Variants in TMEM132B observed in about 807,000 individuals in gnomAD.
The protein encoded by TMEM132B is transmembrane protein 132B.
In TMEM132B, 18 loss-of-function variants were observed where a neutral mutation model predicts 90.8. That is an observed-to-expected ratio of 0.20 (90% CI 0.14 to 0.29). The LOEUF is 0.29. TMEM132B is among the 10% of genes least tolerant of loss of function. TMEM132B has a pLI of 1.00. For synonymous variants in TMEM132B, 504 were observed against 523.3 expected, an observed-to-expected ratio of 0.96 and a Z score of 0.50; for missense variants, 1,096 against 1,326.8, an observed-to-expected ratio of 0.83 and a Z score of 2.70.
At chr12:125,504,893 GA>G (rs202180693) in intron 3 of TMEM132B, among the ~76,000 whole-genome samples, 40 of 149,808 alleles carry the variant, frequency 2.7e-4, no homozygotes, top group African/African-American at 9.3e-4. Context: ...GAGAATGCTG[GA>G]AAAAAAAAGA....
chr12:125,609,343 G>T (rs115326893), intron 5 of TMEM132B, among the ~76,000 whole-genome samples: 1 of 152,144 alleles, frequency 6.6e-6, no homozygotes, highest in Non-Finnish European at 1.5e-5. Flanking sequence ...AAATCAGAAA[G>T]TATGAGTTTC....
chr12:125,329,841 C>T (rs2291929), intron 1 of TMEM132B, among the ~76,000 whole-genome samples: 99,959 of 152,056 alleles, frequency 0.66, 33,599 homozygotes, highest in East Asian at 0.82. Flanking sequence ...AGTGAATACC[C>T]CTGAACACAA....
intron 1 of TMEM132B, among the ~76,000 whole-genome samples, chr12:125,310,652 A>C (rs1217328419): frequency 6.6e-6 from 1 of 152,168 alleles, no homozygotes; most frequent in Non-Finnish European, 1.5e-5. Context: ...GCTGTCTCTC[A>C]GTGGCTGCTT....
intron 1 of TMEM132B, among the ~76,000 whole-genome samples, chr12:125,201,122 A>G (rs926018938): frequency 6.6e-6 from 1 of 151,904 alleles, no homozygotes; most frequent in African/African-American, 2.4e-5. Flanking sequence ...CAGCCCAGTT[A>G]AGTGTTTCTC....
intron 1 of TMEM132B, among the ~76,000 whole-genome samples, chr12:125,253,502 A>G (rs1362268484): frequency 7.0e-6 from 1 of 142,458 alleles, no homozygotes; most frequent in Non-Finnish European, 1.5e-5. Flanking sequence ...TGGTATAATC[A>G]TGGCTCCCTG....
intron 1 of TMEM132B, among the ~76,000 whole-genome samples, chr12:125,289,560 A>C (rs73233340): frequency 0.021 from 3,147 of 152,350 alleles, 52 homozygotes; most frequent in Non-Finnish European, 0.031. Flanking sequence ...ACACTATTTG[A>C]CAATGGAACC....
At chr12:125,474,724 C>T (rs141890554) in intron 3 of TMEM132B, among the ~76,000 whole-genome samples, 112 of 152,304 alleles carry the variant, frequency 7.4e-4, no homozygotes, top group Admixed American at 1.4e-3. Flanking sequence ...AACTGACAAG[C>T]GCAGGATGGG....
chr12:125,590,407 G>A (rs1178377801), intron 5 of TMEM132B, among the ~76,000 whole-genome samples: 3 of 152,204 alleles, frequency 2.0e-5, no homozygotes, highest in East Asian at 3.8e-4. Context: ...ATGAATGAAT[G>A]CTAGAGCTTC....
intron 3 of TMEM132B, among the ~76,000 whole-genome samples, chr12:125,488,826 G>A (rs181743654): frequency 7.9e-5 from 12 of 152,286 alleles, no homozygotes; most frequent in East Asian, 3.9e-4. Context: ...GCAAACTGCC[G>A]GATGGTTGAC....
intron 6 of TMEM132B, 55 bp from the exon 7 acceptor site, chr12:125,650,628 T>C: frequency 6.3e-7 from 1 of 1,576,800 alleles, no homozygotes; most frequent in Non-Finnish European, 8.7e-7. Flanking sequence ...AACAAGGGCA[T>C]GCAGAACTTC....
intron 1 of TMEM132B, among the ~76,000 whole-genome samples, chr12:125,304,573 G>T (rs1875911860): frequency 6.6e-6 from 1 of 152,096 alleles, no homozygotes; most frequent in Non-Finnish European, 1.5e-5. Flanking sequence ...AATACATCTT[G>T]AGACAGTTTT....
At chr12:125,529,146 A>G (rs1883579696) in intron 4 of TMEM132B, among the ~76,000 whole-genome samples, 1 of 152,022 alleles carries the variant, frequency 6.6e-6, no homozygotes, top group Non-Finnish European at 1.5e-5. Flanking sequence ...GTGCAGTGGC[A>G]CAATCACAGC....
At chr12:125,245,693 G>T (rs999703317) in intron 1 of TMEM132B, among the ~76,000 whole-genome samples, 2 of 152,202 alleles carry the variant, frequency 1.3e-5, no homozygotes, top group Non-Finnish European at 2.9e-5. Flanking sequence ...CGGGGGATGG[G>T]GGGGGACTTA....
chr12:125,406,917 T>A lies in TMEM132B; in HGVS notation c.960-8614T>A, dbSNP rs761825045. Among the ~76,000 whole-genome samples, 1 of 152,214 alleles carries A rather than the reference T, an allele frequency of 6.6e-6. No homozygotes were observed. Among genetic ancestry groups the A allele is most frequent in the Non-Finnish European group, 1.5e-5 (1 of 68,044 alleles). On this transcript the variant is annotated intron_variant, in intron 2 of 8. Coordinates refer to ENST00000682704, the MANE Select transcript of TMEM132B (RefSeq NM_001366854.1). This position sits in a 1 kb window ranked among gnomAD's most constrained non-coding sequence, Gnocchi z 8.3. Reference sequence around the variant, plus strand: ...AAGGGAAGAGGTGCATAGAGTAGGATCCAGTAGAGGTCCAGGGCAAGCTCC... The same window carrying A: ...AAGGGAAGAGGTGCATAGAGTAGGAACCAGTAGAGGTCCAGGGCAAGCTCC...
chr12:125,624,673 T>TG (rs1327685345), intron 5 of TMEM132B, among the ~76,000 whole-genome samples: 3 of 152,190 alleles, frequency 2.0e-5, no homozygotes, highest in Admixed American at 6.5e-5. Flanking sequence ...ACTGAAAAAT[T>TG]GCTACTCAAA....
intron 1 of TMEM132B, among the ~76,000 whole-genome samples, chr12:125,347,573 AATACGCCACC>A (rs1486113316): frequency 2.6e-5 from 4 of 152,220 alleles, no homozygotes; most frequent in African/African-American, 9.7e-5. Flanking sequence ...GCTGCAGAAA[AATACGCCACC>A]AGGAGCCAGA....
In TMEM132B at chr12:125,639,135, T is replaced by C. The variant is rs373304448; in HGVS notation, c.1438-4941T>C. On this transcript the variant is annotated intron_variant, in intron 5 of 8. Coordinates refer to ENST00000682704, the MANE Select transcript of TMEM132B (RefSeq NM_001366854.1). Reference sequence around the variant, plus strand: ...TGGCTCTGATCTTTATTTTGCTATGTCATCCTGTCATCTCCCCACACCCCT... The same window carrying C: ...TGGCTCTGATCTTTATTTTGCTATGCCATCCTGTCATCTCCCCACACCCCT... Among the ~76,000 whole-genome samples the C allele has an allele frequency of 6.6e-5, 10 of 152,264 alleles. 1 individual carries two copies. In the East Asian group the frequency reaches 1.9e-3, roughly 29 times the overall value.
At chr12:125,544,441 G>A (rs1263933089) in intron 4 of TMEM132B, among the ~76,000 whole-genome samples, 1 of 152,168 alleles carries the variant, frequency 6.6e-6, no homozygotes, top group Non-Finnish European at 1.5e-5. Flanking sequence ...GGTGGCCTGG[G>A]TCTGGCTCTT....
At chr12:125,531,987 T>C (rs1204688888) in intron 4 of TMEM132B, among the ~76,000 whole-genome samples, 1 of 152,266 alleles carries the variant, frequency 6.6e-6, no homozygotes, top group East Asian at 1.9e-4. Flanking sequence ...AGTAAACCCC[T>C]TGCCACAGTG....
Sources: allele counts gnomAD v4.1 joint callset (sites outside exome capture counted in the v4.1 genomes callset), GRCh38; gene constraint gnomAD v4.1.1; non-coding constraint Gnocchi (gnomAD v3.1); transcripts MANE v1.5; gene names NCBI Gene and HGNC (gene_info 2026-07-23, HGNC 2026-07-21).